Variants in PHTF1 observed in about 807,000 individuals in gnomAD.
PHTF1 encodes the protein putative homeodomain transcription factor 1, also known as protein PHTF1.
PHTF1 carries 88 observed loss-of-function variants against 102.4 expected under a neutral mutation model. That is an observed-to-expected ratio of 0.86 (90% CI 0.72 to 1.03). The LOEUF (loss-of-function observed/expected upper bound fraction) is 1.03, where lower values mean the gene tolerates loss of function less well. Among genes scored for constraint, PHTF1 ranks in the 50% least tolerant of loss-of-function variants. The pLI is 0.00. For missense variants in PHTF1, 814 were observed against 909.5 expected, an observed-to-expected ratio of 0.89 and a Z score of 1.35; for synonymous variants, 289 against 305.2, an observed-to-expected ratio of 0.95 and a Z score of 0.55.
chr1:113,726,536 T>C lies in PHTF1; in HGVS notation c.370A>G (p.Asn124Asp). 1 of 1,606,404 alleles carries C rather than the reference T, an allele frequency of 6.2e-7. No individual in the cohort carries two copies. Among genetic ancestry groups the C allele is most frequent in the Non-Finnish European group, 8.5e-7 (1 of 1,176,014 alleles). The change falls in exon 6 of 19, where the codon AAC (asparagine) becomes GAC (aspartate). Residue 124 changes from asparagine to aspartate, a missense_variant. Asn to Asp is a conservative substitution (Grantham distance 23, BLOSUM62 1). Transcript: ENST00000369604. ...AAGGGTCCAAGTACTTCACTTATGT[T>C]CACAATAGGCATCATCAAATATAAG... ...IVLYLMMPIVNISEVLGPLCL... is the reference protein window; with the variant it reads ...IVLYLMMPIVDISEVLGPLCL...
At chr1:113,732,611 G>A (rs1654835454) in intron 5 of PHTF1, among the ~76,000 whole-genome samples, 1 of 152,192 alleles carries the variant, frequency 6.6e-6, no homozygotes, top group African/African-American at 2.4e-5. Flanking sequence ...TACAGAGTAT[G>A]TAGTCCAGAA....
chr1:113,712,433 C>A (rs1016703687), intron 8 of PHTF1, among the ~76,000 whole-genome samples: 1 of 151,950 alleles, frequency 6.6e-6, no homozygotes, highest in African/African-American at 2.4e-5. Context: ...GAGCTGAGTT[C>A]CCTCATCTAA....
At chr1:113,706,500 G>T in intron 12 of PHTF1, 94 bp downstream of exon 12, 1 of 902,846 alleles carries the variant, frequency 1.1e-6, no homozygotes, top group Non-Finnish European at 1.6e-6. Flanking sequence ...CAAAAGCAGA[G>T]TCATACTGTT....
At chr1:113,746,903 C>T in intron 3 of PHTF1, 3 of 619,292 alleles carry the variant, frequency 4.8e-6, no homozygotes, top group Non-Finnish European at 6.1e-6. Context: ...ACTTCTAAAA[C>T]AAAAAATGTT....
chr1:113,730,569 T>C (rs984436490), intron 5 of PHTF1, among the ~76,000 whole-genome samples: 2 of 152,148 alleles, frequency 1.3e-5, no homozygotes, highest in African/African-American at 4.8e-5. Context: ...TAAAATCTAA[T>C]ACAAGCACTG....
At chr1:113,707,936 C>T (rs1000665810) in intron 11 of PHTF1, among the ~76,000 whole-genome samples, 2 of 131,566 alleles carry the variant, frequency 1.5e-5, no homozygotes, top group African/African-American at 6.3e-5. Context: ...ATGTCCCAGG[C>T]AAAGAAACCT....
In PHTF1 at chr1:113,713,744, T is replaced by C. The variant is rs1651532890; in HGVS notation, c.624-306A>G. ...ATCTTCTCAGACACAATGCAACTCC[T>C]ACCTTATATCGTCTGTTATTGCCAC... On this transcript the variant is annotated intron_variant, in intron 7 of 18. Transcript: ENST00000369604. The C allele has an allele frequency of 2.9e-5, 8 of 277,648 alleles. No individual in the cohort carries two copies. The South Asian group carries it at 3.3e-4, about 11-fold the overall frequency. 17.2% of individuals were successfully genotyped at this position (277,648 alleles called of 1,614,324 possible).
chr1:113,739,517 G>C (rs2101609994), intron 3 of PHTF1, among the ~76,000 whole-genome samples: 1 of 152,154 alleles, frequency 6.6e-6, no homozygotes, highest in East Asian at 1.9e-4. Context: ...TTCAATACAT[G>C]CATACAATGT....
intron 7 of PHTF1, 158 bp from the exon 8 acceptor site, chr1:113,713,596 TGAC>T: frequency 1.7e-6 from 1 of 578,806 alleles, no homozygotes; most frequent in Non-Finnish European, 3.0e-6. Context: ...GGGTGTAGAA[TGAC>T]AAAATACTCA....
At chr1:113,726,122 G>T (rs1290590005) in intron 6 of PHTF1, among the ~76,000 whole-genome samples, 2 of 152,094 alleles carry the variant, frequency 1.3e-5, no homozygotes, top group Non-Finnish European at 2.9e-5. Context: ...GAATTTCAAA[G>T]AGAATGTTTT....
chr1:113,747,213 T>C (rs1216817140), intron 3 of PHTF1, among the ~76,000 whole-genome samples: 1 of 152,224 alleles, frequency 6.6e-6, no homozygotes, highest in East Asian at 1.9e-4. Flanking sequence ...GTTTAGAGGG[T>C]TATAATTACA....
chr1:113,740,148 G>A (rs1314958397), intron 3 of PHTF1, among the ~76,000 whole-genome samples: 2 of 152,128 alleles, frequency 1.3e-5, no homozygotes, highest in African/African-American at 2.4e-5. Flanking sequence ...GAGGAACCAC[G>A]AGACTGTTTT....
intron 5 of PHTF1, among the ~76,000 whole-genome samples, chr1:113,734,773 T>C (rs187591727): frequency 9.2e-5 from 14 of 152,288 alleles, no homozygotes; most frequent in Admixed American, 7.8e-4. Flanking sequence ...GGTTATAGTT[T>C]GGGGATGAGT....
At position 113,759,191 on chromosome 1, in the gene PHTF1, T is replaced by C; in HGVS notation, c.-199A>G. ...TGGAGACCGCGGAGGCCGCCCCAGC[T>C]TCGGAGGCAGCCGGCCGCCCAGCGC... On this transcript the variant is annotated 5_prime_UTR_variant, in exon 1 of 19. Transcript: ENST00000369604. The C allele has an allele frequency of 6.1e-6, 4 of 660,570 alleles. No individual in the cohort carries two copies. The highest frequency in any genetic ancestry group is 7.5e-6 in the Non-Finnish European group (4 of 532,480). 40.9% of individuals were successfully genotyped at this position (660,570 alleles called of 1,614,324 possible).
chr1:113,733,198 C>A (rs866514262), intron 5 of PHTF1, among the ~76,000 whole-genome samples: 6 of 151,330 alleles, frequency 4.0e-5, no homozygotes, highest in Non-Finnish European at 7.4e-5. Context: ...CACTGCCCCC[C>A]ACCTAGATAA....
chr1:113,727,139 T>C (rs916160216), intron 5 of PHTF1, among the ~76,000 whole-genome samples: 2 of 152,158 alleles, frequency 1.3e-5, no homozygotes, highest in African/African-American at 2.4e-5. Context: ...ATCTCCATAT[T>C]TTAACATATT....
chr1:113,709,722 T>C (rs1479648870), intron 11 of PHTF1, among the ~76,000 whole-genome samples: 1 of 152,188 alleles, frequency 6.6e-6, no homozygotes, highest in African/African-American at 2.4e-5. Flanking sequence ...GTAAGAACTA[T>C]TATCACCACA....
At chr1:113,707,217 T>C (rs889087003) in intron 11 of PHTF1, among the ~76,000 whole-genome samples, 1 of 152,102 alleles carries the variant, frequency 6.6e-6, no homozygotes, top group Non-Finnish European at 1.5e-5. Context: ...GGAAGAGAGA[T>C]ACTAAAAGGC....
chr1:113,698,250 G>A lies in PHTF1; in HGVS notation c.2268+12C>T, dbSNP rs746538768. On this transcript the variant is annotated intron_variant, in intron 18 of 18. Transcript: ENST00000369604. ...TAAGACTAGGATGCTACAGAGTGGT[G>A]GTGATACTTACTCTTATATTAAATC... 2.5e-6 allele frequency: 4 copies of A among 1,589,820 alleles called. No individual in the cohort carries two copies. Among genetic ancestry groups the A allele is most frequent in the East Asian group, 4.5e-5 (2 of 44,158 alleles).
Sources: gnomAD v4.1 joint callset for allele counts (sites outside exome capture counted in the v4.1 genomes callset) on GRCh38, gnomAD v4.1.1 for gene constraint, MANE v1.5 for transcripts, NCBI Gene and HGNC (gene_info 2026-07-23, HGNC 2026-07-21) for gene names.